The following PDCL2 variants were observed in gnomAD, a reference collection of about 807,000 sequenced individuals.
The protein encoded by PDCL2 is phosducin like 2, also known as phosducin-like protein 2.
A neutral mutation model predicts 30.3 loss-of-function variants in PDCL2; 23 were observed. The ratio of observed to expected loss-of-function variants is 0.76; its 90% confidence interval spans 0.55 to 1.08. The LOEUF is 1.08. PDCL2 is among the 50% of genes least tolerant of loss of function. The pLI, the probability that PDCL2 is intolerant of heterozygous loss-of-function variation, is 0.00. For synonymous variants in PDCL2, 68 were observed against 86.2 expected (o/e 0.79, Z 1.17); for missense variants, 243 against 282.3 (o/e 0.86, Z 1.00).
chr4:55,569,011 A>C (rs1732347379), intron 4 of PDCL2, among the ~76,000 whole-genome samples: 1 of 152,136 alleles, frequency 6.6e-6, no homozygotes, highest in African/African-American at 2.4e-5. Context: ...AATTCTCTAC[A>C]AATTTGCTGT....
intron 3 of PDCL2, among the ~76,000 whole-genome samples, chr4:55,572,745 C>T (rs1452907057): frequency 2.6e-5 from 4 of 151,890 alleles, no homozygotes; most frequent in Non-Finnish European, 5.9e-5. Context: ...TAAATGGATG[C>T]TTTGTGTGTT....
Position 55,575,090 on chromosome 4 carries a change from G to A in PDCL2, c.219-5229C>T, listed in dbSNP as rs545111429. On this transcript the variant is annotated intron_variant, in intron 3 of 5. Coordinates refer to ENST00000295645, the MANE Select transcript of PDCL2 (RefSeq NM_152401.3). ...TAACCACCTTAGTGTGTTTGAAGTA[G>A]TCTCCCAATGTGGGGTCTTCCCTAA... Among the ~76,000 whole-genome samples the A allele has an allele frequency of 3.9e-5, 6 of 152,268 alleles. No homozygotes were observed. In the East Asian group the frequency reaches 9.6e-4, roughly 24 times the overall value.
intron 4 of PDCL2, among the ~76,000 whole-genome samples, chr4:55,566,671 G>A (rs980349991): frequency 2.0e-4 from 30 of 151,716 alleles, no homozygotes; most frequent in Non-Finnish European, 4.0e-4. Context: ...CAAGTGATCC[G>A]CCTGCCTCGG....
At chr4:55,581,246 G>C (rs1220647861) in intron 2 of PDCL2, among the ~76,000 whole-genome samples, 1 of 152,066 alleles carries the variant, frequency 6.6e-6, no homozygotes, top group Non-Finnish European at 1.5e-5. Flanking sequence ...AGTGAGCTGA[G>C]ATCGCACCAC....
At position 55,561,953 on chromosome 4, in the gene PDCL2, T is replaced by A. The variant is rs189180683; in HGVS notation, c.571+451A>T. On this transcript the variant is annotated intron_variant, in intron 5 of 5. Transcript: ENST00000295645. ...TACGAATTGGTCCAATATTACATAATGCAGTAAATAAAAATTGAACAGACT... is the reference window on the plus strand; with the variant it reads ...TACGAATTGGTCCAATATTACATAAAGCAGTAAATAAAAATTGAACAGACT... Among the ~76,000 whole-genome samples the A allele has an allele frequency of 3.3e-3, 510 of 152,270 alleles. 2 individuals carry two copies. The highest frequency in any genetic ancestry group is 0.011 in the African/African-American group (469 of 41,574).
At position 55,590,196 on chromosome 4, in the gene PDCL2, CAAAAAAAAAAAA is replaced by C. The variant is rs1221085369; in HGVS notation, c.6+1896_6+1907del. On this transcript the variant is annotated intron_variant, in intron 1 of 5. Transcript: ENST00000295645. Reference sequence around the variant, plus strand: ...TGGATGACAGAGCTAGGCTCTGTCTCAAAAAAAAAAAAAAAAAAAAAAAAAGAGTAAGGTTTG... The same window carrying C: ...TGGATGACAGAGCTAGGCTCTGTCTCAAAAAAAAAAAAAGAGTAAGGTTTG... Among the ~76,000 whole-genome samples, 82 of 37,098 alleles carry C rather than the reference CAAAAAAAAAAAA, an allele frequency of 2.2e-3. 3 individuals are homozygous for C. Among genetic ancestry groups the C allele is most frequent in the Admixed American group, 0.015 (29 of 1,982 alleles). The allele number at this position is 37,098 out of a possible 152,430, so 24.3% of individuals were successfully genotyped here.
In PDCL2 at chr4:55,562,537, T is replaced by C; in HGVS notation, c.438A>G (p.Lys146=). 6.2e-7 allele frequency: 1 copy of C among 1,605,866 alleles called. No individual in the cohort carries two copies. The highest frequency in any genetic ancestry group is 8.5e-7 in the Non-Finnish European group (1 of 1,176,164). Residue 146 remains lysine, a synonymous_variant, in exon 5 of 6, where the codon AAA becomes AAG. Coordinates refer to ENST00000295645, the MANE Select transcript of PDCL2 (RefSeq NM_152401.3). ...GTTGAATACAGCTATTCACGATGGC[T>C]TTAACAAATTTAGTTTCTGGAAACT... The part of the protein sequence containing the change: ...ARKFPETKFV[K]AIVNSCIQHY...
At chr4:55,565,583 C>T (rs562075483) in intron 4 of PDCL2, among the ~76,000 whole-genome samples, 9 of 152,230 alleles carry the variant, frequency 5.9e-5, no homozygotes, top group Admixed American at 1.3e-4. Context: ...AATTACCTCC[C>T]GCCATGTCCC....
intron 1 of PDCL2, among the ~76,000 whole-genome samples, chr4:55,585,682 C>T (rs990087441): frequency 2.6e-5 from 4 of 152,270 alleles, no homozygotes; most frequent in South Asian, 2.1e-4. Context: ...CCGGACTTTT[C>T]GTTGATGGGA....
chr4:55,581,819 T>C (rs1331001196), intron 2 of PDCL2, among the ~76,000 whole-genome samples: 1 of 152,192 alleles, frequency 6.6e-6, no homozygotes, highest in Non-Finnish European at 1.5e-5. Flanking sequence ...TTCTACTGCC[T>C]CAGCCTCCTG....
At chr4:55,574,139 T>G (rs1330610479) in intron 3 of PDCL2, among the ~76,000 whole-genome samples, 1 of 152,226 alleles carries the variant, frequency 6.6e-6, no homozygotes, top group Non-Finnish European at 1.5e-5. Flanking sequence ...AAGTAATATT[T>G]TTAAACATTC....
intron 1 of PDCL2, among the ~76,000 whole-genome samples, chr4:55,588,879 A>T (rs1288386215): frequency 2.9e-4 from 23 of 79,182 alleles, no homozygotes; most frequent in African/African-American, 1.1e-3. Flanking sequence ...TTTTTTTTTT[A>T]GAGAGTCTCG....
At chr4:55,565,688 T>C (rs934874765) in intron 4 of PDCL2, among the ~76,000 whole-genome samples, 3 of 152,294 alleles carry the variant, frequency 2.0e-5, no homozygotes, top group East Asian at 3.9e-4. Context: ...TCTACATCCC[T>C]ATGATTGCAT....
intron 4 of PDCL2, among the ~76,000 whole-genome samples, chr4:55,569,489 A>G (rs1466973634): frequency 6.6e-6 from 1 of 152,114 alleles, no homozygotes; most frequent in Non-Finnish European, 1.5e-5. Context: ...AAGAGTGCTT[A>G]TTTTTCTAAA....
At chr4:55,561,431 T>C (rs6856004) in intron 5 of PDCL2, among the ~76,000 whole-genome samples, 114,549 of 152,026 alleles carry the variant, frequency 0.75, 43,495 homozygotes, top group East Asian at 0.9. Context: ...GGTGTGGTGG[T>C]GGCCACCTGT....
chr4:55,562,426 T>C lies in PDCL2; in HGVS notation c.549A>G (p.Gly183=). The change falls in exon 5 of 6, where the codon GGA becomes GGG. Residue 183 remains glycine (G), a synonymous_variant. Coordinates refer to ENST00000295645, the MANE Select transcript of PDCL2 (RefSeq NM_152401.3). The part of the protein sequence containing the change: ...EAKFIGIIEC[G]GINLKLEELE... Reference sequence around the variant, plus strand: ...TACCTTCCAGCTTGAGATTTATCCCTCCACATTCTATAATTCCAATGAATT... The same window carrying C: ...TACCTTCCAGCTTGAGATTTATCCCCCCACATTCTATAATTCCAATGAATT... 6.9e-7 allele frequency: 1 copy of C among 1,452,366 alleles called. No individual in the cohort carries two copies. The highest frequency in any genetic ancestry group is 9.1e-7 in the Non-Finnish European group (1 of 1,098,160). 90.0% of individuals were successfully genotyped at this position (1,452,366 alleles called of 1,614,324 possible).
At chr4:55,580,146 C>T (rs1732674514) in intron 3 of PDCL2, among the ~76,000 whole-genome samples, 1 of 152,170 alleles carries the variant, frequency 6.6e-6, no homozygotes, top group South Asian at 2.1e-4. Flanking sequence ...TGTGCCTGGT[C>T]CACTGTTTTT....
At chr4:55,591,238 G>A (rs1003333524) in intron 1 of PDCL2, among the ~76,000 whole-genome samples, 4 of 151,834 alleles carry the variant, frequency 2.6e-5, no homozygotes, top group African/African-American at 9.7e-5. Flanking sequence ...TAATCTGCAG[G>A]AGCAGGTGGG....
rs1347214002 is a variant in PDCL2 at position 55,556,655 on chromosome 4, G to T, written c.628C>A (p.Pro210Thr). Residue 210 changes from proline (P) to threonine (T), a missense_variant, in exon 6 of 6, where the codon CCC becomes ACC. Pro to Thr is a conservative substitution (Grantham distance 38). Coordinates refer to ENST00000295645, the MANE Select transcript of PDCL2 (RefSeq NM_152401.3). ...GAIQTDLEEN[P>T]RKDMVDMMVS... ...ATCATATCTACCATGTCTTTTCTGGGGTTTTCTTCCAAATCAGTCTGTATT... is the reference window on the plus strand; with the variant it reads ...ATCATATCTACCATGTCTTTTCTGGTGTTTTCTTCCAAATCAGTCTGTATT... 2.4e-5 allele frequency: 38 copies of T among 1,569,822 alleles called. No homozygotes were observed. Among genetic ancestry groups the T allele is most frequent in the Non-Finnish European group, 3.2e-5 (37 of 1,155,636 alleles).
Sources: gnomAD v4.1 joint callset for allele counts (sites outside exome capture counted in the v4.1 genomes callset) on GRCh38, gnomAD v4.1.1 for gene constraint, MANE v1.5 for transcripts, NCBI Gene and HGNC (gene_info 2026-07-23, HGNC 2026-07-21) for gene names.